The following ADCY10 variants were observed in gnomAD, a reference collection of about 807,000 sequenced individuals.
ADCY10 encodes the protein adenylate cyclase type 10.
A neutral mutation model predicts 183.3 loss-of-function variants in ADCY10; 156 were observed. The ratio of observed to expected loss-of-function variants is 0.85; its 90% CI spans 0.75 to 0.97. The LOEUF (loss-of-function observed/expected upper bound fraction) is 0.97, where lower values mean the gene tolerates loss of function less well. Ranked by LOEUF, ADCY10 falls within the 50% of genes least tolerant of loss-of-function variation. The pLI is 0.00. For synonymous variants in ADCY10, 645 were observed against 670.0 expected (o/e 0.96, Z 0.58); for missense variants, 1,745 against 1,934.3 (o/e 0.90, Z 1.84).
At chr1:167,878,955 G>A (rs183123258) in intron 11 of ADCY10, among the ~76,000 whole-genome samples, 1 of 152,346 alleles carries the variant, frequency 6.6e-6, no homozygotes, top group East Asian at 1.9e-4. Context: ...CAGAGAAGGT[G>A]TCAGTTGGTC....
intron 18 of ADCY10, among the ~76,000 whole-genome samples, chr1:167,851,343 C>T (rs1194804901): frequency 3.3e-5 from 5 of 152,012 alleles, no homozygotes; most frequent in East Asian, 1.9e-4. Context: ...TGCGACACCA[C>T]ACCCGGCTAA....
At position 167,899,469 on chromosome 1, in the gene ADCY10, C is replaced by T. The variant is rs1160118993; in HGVS notation, c.596G>A (p.Arg199Gln). The change falls in exon 6 of 33, where the codon CGG becomes CAG. Residue 199 changes from arginine to glutamine, a missense_variant. By Grantham distance (43) the Arg-to-Gln change is conservative. Transcript: ENST00000367851. ...AACACTCTCAATTTCAATCATGCTC[C>T]GGTCACAGAGCTGCCAGCAGTTTGG... ...LSPNCWQLCD[R>Q]SMIEIESVPD... 1.7e-5 allele frequency: 27 copies of T among 1,614,096 alleles called. No homozygotes were observed. The highest frequency in any genetic ancestry group is 4.0e-5 in the African/African-American group (3 of 74,932).
intron 21 of ADCY10, among the ~76,000 whole-genome samples, chr1:167,837,708 CTT>C (rs1398984084): frequency 2.6e-5 from 4 of 152,112 alleles, no homozygotes; most frequent in African/African-American, 7.2e-5. Context: ...TAATCACTCT[CTT>C]GTGTTAATCC....
At position 167,809,599 on chromosome 1, in the gene ADCY10, T is replaced by A. The variant is rs764869983; in HGVS notation, c.*79A>T. On this transcript the variant is annotated 3_prime_UTR_variant, in exon 33 of 33. Transcript: ENST00000367851. ...GAAGAGATTATGTAGGAACCTGGAGTGGGCCAGCCACGGAGAAAGGTCAAT... is the reference window on the plus strand; with the variant it reads ...GAAGAGATTATGTAGGAACCTGGAGAGGGCCAGCCACGGAGAAAGGTCAAT... The A allele has an allele frequency of 2.2e-5, 32 of 1,478,436 alleles. No homozygotes were observed. The highest frequency in any genetic ancestry group is 2.9e-5 in the Non-Finnish European group (31 of 1,058,336). 91.6% of individuals were successfully genotyped at this position (1,478,436 alleles called of 1,614,324 possible).
intron 24 of ADCY10, among the ~76,000 whole-genome samples, chr1:167,833,510 T>C (rs1186017634): frequency 6.6e-6 from 1 of 151,548 alleles, no homozygotes; most frequent in African/African-American, 2.4e-5. Flanking sequence ...CTTTGGGAGG[T>C]CAGGGCGGGC....
intron 21 of ADCY10, among the ~76,000 whole-genome samples, chr1:167,845,015 T>A (rs1664901118): frequency 6.6e-6 from 1 of 152,206 alleles, no homozygotes; most frequent in South Asian, 2.1e-4. Flanking sequence ...TCAGATCACA[T>A]GGCTGGTTGG....
chr1:167,882,461 G>A (rs1667931244), intron 9 of ADCY10, among the ~76,000 whole-genome samples: 1 of 139,418 alleles, frequency 7.2e-6, no homozygotes, highest in Non-Finnish European at 1.5e-5. Flanking sequence ...TTCCAGCCTG[G>A]GCAATAGAGC....
At chr1:167,823,588 A>G (rs758006436) in intron 28 of ADCY10, among the ~76,000 whole-genome samples, 1 of 152,102 alleles carries the variant, frequency 6.6e-6, no homozygotes, top group Non-Finnish European at 1.5e-5. Context: ...AAATTCATCT[A>G]TGTGACCGAA....
Position 167,818,106 on chromosome 1 carries a change from TCTGA to T in ADCY10, c.4444_4447del (p.Ser1482ArgfsTer34). 5 of 1,614,230 alleles carry T rather than the reference TCTGA, an allele frequency of 3.1e-6. No homozygotes were observed. Among genetic ancestry groups the T allele is most frequent in the Non-Finnish European group, 4.2e-6 (5 of 1,180,036 alleles). On this transcript the variant is annotated frameshift_variant, in exon 31 of 33. Transcript: ENST00000367851. LOFTEE classifies it high-confidence loss of function. Reference sequence around the variant, plus strand: ...CTCCTCCCCACTGGCTTGGGCATTCTCTGACTGTTCTTTGATTTGTTTTTGAAGG... The same window carrying T: ...CTCCTCCCCACTGGCTTGGGCATTCTCTGTTCTTTGATTTGTTTTTGAAGG...
intron 25 of ADCY10, among the ~76,000 whole-genome samples, chr1:167,831,027 A>G (rs193210715): frequency 2.0e-5 from 3 of 152,190 alleles, no homozygotes; most frequent in Admixed American, 2.0e-4. Flanking sequence ...CCCCAAATGT[A>G]TAAAATTAAG....
chr1:167,809,779 G>A lies in ADCY10; in HGVS notation c.4732C>T (p.Leu1578Phe). 1.2e-6 allele frequency: 2 copies of A among 1,614,088 alleles called. No individual in the cohort carries two copies. Among genetic ancestry groups the A allele is most frequent in the Non-Finnish European group, 1.7e-6 (2 of 1,179,952 alleles). Residue 1578 changes from leucine (L) to phenylalanine (F), a missense_variant, in exon 33 of 33, where the codon CTC (leucine) becomes TTC (phenylalanine). Coordinates refer to ENST00000367851, the MANE Select transcript of ADCY10 (RefSeq NM_018417.6). Reference sequence around the variant, plus strand: ...GCTACAATTTTTTCCCATGATGGGAGACTCAAGATCGTCTGAAGCCATTGG... The same window carrying A: ...GCTACAATTTTTTCCCATGATGGGAAACTCAAGATCGTCTGAAGCCATTGG... ...EDQWLQTILS[L>F]PSWEKIVAGR... is the part of the protein sequence containing the mutation.
At chr1:167,837,032 T>A (rs913771795) in intron 22 of ADCY10, 1 of 566,400 alleles carries the variant, frequency 1.8e-6, no homozygotes, top group Non-Finnish European at 3.2e-6. Flanking sequence ...CTTGAAAAAA[T>A]AAATAAATAA....
chr1:167,824,606 C>T lies in ADCY10; in HGVS notation c.3956-34G>A, dbSNP rs770495764. Reference sequence around the variant, plus strand: ...AAAACAATTCCAGTATATTGTGGGGCATTCCTTGTATCCTCATGTCCCATC... The same window carrying T: ...AAAACAATTCCAGTATATTGTGGGGTATTCCTTGTATCCTCATGTCCCATC... On this transcript the variant is annotated intron_variant, in intron 27 of 32. Transcript: ENST00000367851. 12 of 1,613,920 alleles carry T rather than the reference C, an allele frequency of 7.4e-6. No homozygotes were observed. The Admixed American group carries it at 1.8e-4, about 25-fold the overall frequency.
chr1:167,875,278 C>A, intron 12 of ADCY10, 92 bp from the exon 13 acceptor site: 1 of 1,303,682 alleles, frequency 7.7e-7, no homozygotes, highest in Non-Finnish European at 1.1e-6. Flanking sequence ...AGAAAGTTTC[C>A]TTCTCAATTG....
At chr1:167,854,844 G>A (rs1665770356) in intron 17 of ADCY10, among the ~76,000 whole-genome samples, 1 of 152,174 alleles carries the variant, frequency 6.6e-6, no homozygotes, top group African/African-American at 2.4e-5. Flanking sequence ...GAGGGGGAGA[G>A]AGAGAGAGAG....
intron 31 of ADCY10, among the ~76,000 whole-genome samples, chr1:167,813,876 G>A (rs1662363756): frequency 6.6e-6 from 1 of 152,050 alleles, no homozygotes; most frequent in Non-Finnish European, 1.5e-5. Context: ...TGAAAGGGGT[G>A]GGAAGCTATT....
rs544445719 is a variant in ADCY10, at chr1:167,891,582, G to A, written c.828+2271C>T. 4.8e-4 allele frequency among the ~76,000 whole-genome samples: 73 copies of A among 151,486 alleles called. 1 individual carries two copies. The highest frequency in any genetic ancestry group is 1.3e-3 in the African/African-American group (54 of 41,316). On this transcript the variant is annotated intron_variant, in intron 8 of 32. Coordinates refer to ENST00000367851, the MANE Select transcript of ADCY10 (RefSeq NM_018417.6). Reference sequence around the variant, plus strand: ...GAGGCAGGAGAATGGCATGAACCCGGGAGGCGGAGCTTGCAGTGAGCCAAG... The same window carrying A: ...GAGGCAGGAGAATGGCATGAACCCGAGAGGCGGAGCTTGCAGTGAGCCAAG...
intron 1 of ADCY10, among the ~76,000 whole-genome samples, chr1:167,906,208 A>G (rs1325868225): frequency 6.6e-6 from 1 of 152,140 alleles, no homozygotes; most frequent in Non-Finnish European, 1.5e-5. Context: ...TTTAACAGAC[A>G]AACTTTAAAA....
Position 167,846,099 on chromosome 1 carries a change from T to TA in ADCY10, c.2601dup (p.Asn868Ter). The TA allele has an allele frequency of 4.3e-6, 7 of 1,614,194 alleles. No homozygotes were observed. The highest frequency in any genetic ancestry group is 5.9e-6 in the Non-Finnish European group (7 of 1,180,034). ...CCATTCCGGAAACAATAAAAAATGTTAGATTCCACTAGGGTTGCCAGGGTC... is the reference window on the plus strand; with the variant it reads ...CCATTCCGGAAACAATAAAAAATGTTAAGATTCCACTAGGGTTGCCAGGGTC... On this transcript the variant is annotated frameshift_variant, in exon 20 of 33. Coordinates refer to ENST00000367851, the MANE Select transcript of ADCY10 (RefSeq NM_018417.6). LOFTEE classifies it high-confidence loss of function.
Sources: gnomAD v4.1 joint callset for allele counts (sites outside exome capture counted in the v4.1 genomes callset) on GRCh38, gnomAD v4.1.1 for gene constraint, MANE v1.5 for transcripts, NCBI Gene and HGNC (gene_info 2026-07-23, HGNC 2026-07-21) for gene names.